RGS7: variants seen among roughly 807,000 people sequenced by gnomAD.
RGS7 encodes the protein regulator of G protein signaling 7.
Under a neutral mutation model 81.1 loss-of-function variants are expected in RGS7, and 27 were observed. The ratio of observed to expected loss-of-function variants is 0.33; its 90% CI spans 0.25 to 0.46. RGS7 has a LOEUF of 0.46. Ranked by LOEUF, RGS7 falls within the 20% of genes least tolerant of loss-of-function variation. The probability of loss-of-function intolerance (pLI) is 1.00; values close to 1 mark genes in which losing one functional copy is unlikely to be tolerated. For missense variants in RGS7, 396 were observed against 607.4 expected, an observed-to-expected ratio of 0.65 and a Z score of 3.66; for synonymous variants, 208 against 207.7, an observed-to-expected ratio of 1.00 and a Z score of -0.01.
intron 2 of RGS7, among the ~76,000 whole-genome samples, chr1:241,274,154 A>G (rs570352677): frequency 5.3e-5 from 8 of 152,306 alleles, no homozygotes; most frequent in African/African-American, 1.9e-4. Context: ...TATTAAGGTT[A>G]GAGTGGAAGT....
In RGS7 at chr1:240,933,032, C is replaced by T. The variant is rs569394903; in HGVS notation, c.334-2264G>A. Among the ~76,000 whole-genome samples the T allele has an allele frequency of 1.1e-4, 16 of 149,068 alleles. No individual in the cohort carries two copies. The East Asian group carries it at 1.2e-3, about 11-fold the overall frequency. ...CCGAGTAGCTGGGACTACAGGCGCCCGCACCACGCCCGGCTAATTTTTTGT... is the reference window on the plus strand; with the variant it reads ...CCGAGTAGCTGGGACTACAGGCGCCTGCACCACGCCCGGCTAATTTTTTGT... On this transcript the variant is annotated intron_variant, in intron 5 of 18. Transcript: ENST00000440928.
chr1:241,061,278 G>A (rs78787686), intron 3 of RGS7, among the ~76,000 whole-genome samples: 3,124 of 152,202 alleles, frequency 0.021, 126 homozygotes, highest in African/African-American at 0.072. Flanking sequence ...ATAAACATGC[G>A]TTTGAGTCAT....
At chr1:241,145,028 T>G (rs1260683666) in intron 2 of RGS7, among the ~76,000 whole-genome samples, 7 of 151,610 alleles carry the variant, frequency 4.6e-5, no homozygotes, top group Admixed American at 6.6e-5. Context: ...AAACTTTTTT[T>G]TTTTTTGAGA....
intron 3 of RGS7, among the ~76,000 whole-genome samples, chr1:241,057,642 G>A (rs2061538104): frequency 6.6e-6 from 1 of 152,084 alleles, no homozygotes; most frequent in African/African-American, 2.4e-5. Context: ...AGCTGGGCAT[G>A]GTGGCTCATG....
chr1:241,342,998 C>T (rs921151226), intron 2 of RGS7, among the ~76,000 whole-genome samples: 2 of 152,106 alleles, frequency 1.3e-5, no homozygotes, highest in Admixed American at 6.5e-5. Context: ...TGCGGTGGCT[C>T]ACACCTGGAA....
chr1:240,884,815 A>G (rs1667064351), intron 6 of RGS7, among the ~76,000 whole-genome samples: 1 of 152,162 alleles, frequency 6.6e-6, no homozygotes, highest in East Asian at 1.9e-4. Flanking sequence ...AAGATGACCT[A>G]GGCAATACCA....
chr1:241,219,053 G>A (rs575565759), intron 2 of RGS7, among the ~76,000 whole-genome samples: 1 of 152,112 alleles, frequency 6.6e-6, no homozygotes, highest in Non-Finnish European at 1.5e-5. Context: ...CCACTGTCAG[G>A]AGCTACAAGG....
intron 14 of RGS7, 138 bp downstream of exon 14, chr1:240,811,780 T>C: frequency 1.2e-6 from 1 of 811,862 alleles, no homozygotes; most frequent in Non-Finnish European, 2.1e-6. Flanking sequence ...TTCCCTTCAT[T>C]AGGTGGCAGA....
intron 2 of RGS7, among the ~76,000 whole-genome samples, chr1:241,333,623 G>A (rs1258735289): frequency 6.6e-6 from 1 of 152,118 alleles, no homozygotes; most frequent in Non-Finnish European, 1.5e-5. Flanking sequence ...CACTGTGTAA[G>A]TCTTAGATAC....
At chr1:241,240,676 T>C (rs1349497536) in intron 2 of RGS7, among the ~76,000 whole-genome samples, 3 of 152,170 alleles carry the variant, frequency 2.0e-5, no homozygotes, top group African/African-American at 7.2e-5. Flanking sequence ...AAAAATATAA[T>C]CATTCAATCA....
intron 2 of RGS7, among the ~76,000 whole-genome samples, chr1:241,198,982 A>G (rs373324144): frequency 1.3e-5 from 2 of 150,478 alleles, no homozygotes; most frequent in East Asian, 1.9e-4. Context: ...ATATACAACC[A>G]AACAGCCTAG....
chr1:240,951,322 A>G (rs980776276), intron 4 of RGS7, among the ~76,000 whole-genome samples: 8 of 152,238 alleles, frequency 5.3e-5, no homozygotes, highest in African/African-American at 1.9e-4. Context: ...AATATGACAC[A>G]GAAATTGGAA....
chr1:241,204,131 T>C lies in RGS7; in HGVS notation c.79-105369A>G, dbSNP rs1352537979. ...TTTAGAAAGAATGAGCCTGAAATGA[T>C]GGGAGGAACACAGGTGTGTATAGAG... On this transcript the variant is annotated intron_variant, in intron 2 of 18. Transcript: ENST00000440928. Among the ~76,000 whole-genome samples, 4 of 152,228 alleles carry C rather than the reference T, an allele frequency of 2.6e-5. No individual in the cohort carries two copies. The South Asian group carries it at 8.3e-4, about 32-fold the overall frequency.
At chr1:240,912,158 A>AG (rs1671874785) in intron 6 of RGS7, among the ~76,000 whole-genome samples, 1 of 149,634 alleles carries the variant, frequency 6.7e-6, no homozygotes, top group South Asian at 2.1e-4. Flanking sequence ...CTCAAAAAAA[A>AG]AAAAAAAAAA....
intron 4 of RGS7, among the ~76,000 whole-genome samples, chr1:240,969,853 A>G: frequency 6.6e-6 from 1 of 152,240 alleles, no homozygotes; most frequent in Non-Finnish European, 1.5e-5. Flanking sequence ...AGTGAAGGTG[A>G]CATCCCTCGC....
chr1:241,186,554 T>C, intron 2 of RGS7: 1 of 273,414 alleles, frequency 3.7e-6, no homozygotes, highest in Non-Finnish European at 5.5e-6. Flanking sequence ...GACGGAGTTT[T>C]GCTCTTGTTG....
chr1:240,870,866 A>G (rs1046644540), intron 6 of RGS7, among the ~76,000 whole-genome samples: 2 of 152,210 alleles, frequency 1.3e-5, no homozygotes. Flanking sequence ...GACTTCTTGC[A>G]TCTTCTTGGC....
chr1:241,105,235 C>T (rs1383394003), intron 2 of RGS7, among the ~76,000 whole-genome samples: 5 of 152,118 alleles, frequency 3.3e-5, no homozygotes, highest in African/African-American at 4.8e-5. Flanking sequence ...TCCTTTAATG[C>T]AAGAGAGTAA....
chr1:241,121,177 T>C (rs1378051521), intron 2 of RGS7, among the ~76,000 whole-genome samples: 4 of 152,298 alleles, frequency 2.6e-5, no homozygotes, highest in Admixed American at 2.0e-4. Context: ...GAGGCCAAAT[T>C]GTAAAATATT....
Sources: allele counts gnomAD v4.1 joint callset (sites outside exome capture counted in the v4.1 genomes callset), GRCh38; gene constraint gnomAD v4.1.1; transcripts MANE v1.5; gene names NCBI Gene and HGNC (gene_info 2026-07-23, HGNC 2026-07-21).